The following ADCY3 variants were observed in gnomAD, a reference collection of about 807,000 sequenced individuals.
The protein encoded by ADCY3 is adenylate cyclase type 3.
Under a neutral mutation model 119.4 loss-of-function variants are expected in ADCY3, and 70 were observed. That is an observed-to-expected ratio of 0.59 (90% CI 0.48 to 0.72). ADCY3 has a LOEUF of 0.72. Among genes scored for constraint, ADCY3 ranks in the 30% least tolerant of loss-of-function variants. The pLI is 0.00. For missense variants in ADCY3, 1,238 were observed against 1,541.6 expected, an observed-to-expected ratio of 0.80 and a Z score of 3.30; for synonymous variants, 672 against 621.4, an observed-to-expected ratio of 1.08 and a Z score of -1.21.
rs774738640 is a variant in ADCY3 at position 24,827,937 on chromosome 2, A to G, written c.2397T>C (p.Phe799=). The change falls in exon 14 of 22, where the codon TTT becomes TTC. Residue 799 remains phenylalanine (F), a synonymous_variant. Coordinates refer to ENST00000679454, the MANE Select transcript of ADCY3 (RefSeq NM_004036.5). ...GAAAACGCTTGTGGTCGTATTCATC[A>G]AAGACGGGACGCCAGGCATAGAGGT... ...TINLYAWRPV[F]DEYDHKRFRE... is the part of the protein sequence containing the mutation. The G allele has an allele frequency of 9.3e-6, 15 of 1,614,110 alleles. No individual in the cohort carries two copies. In the Admixed American group the frequency reaches 2.3e-4, roughly 25 times the overall value.
chr2:24,824,601 A>G lies in ADCY3; in HGVS notation c.2578-65T>C, dbSNP rs1479438618. ...GCCACTGGATAGAAGGATGAAAAACAGGAATGGCCAGGCGTGGCGGTTCAT... is the reference window on the plus strand; with the variant it reads ...GCCACTGGATAGAAGGATGAAAAACGGGAATGGCCAGGCGTGGCGGTTCAT... On this transcript the variant is annotated intron_variant, in intron 16 of 21. Transcript: ENST00000679454. 7.0e-6 allele frequency: 11 copies of G among 1,565,240 alleles called. No homozygotes were observed. In the East Asian group the frequency reaches 1.6e-4, roughly 23 times the overall value.
intron 2 of ADCY3, among the ~76,000 whole-genome samples, chr2:24,896,257 CA>C (rs1678262477): frequency 6.6e-6 from 1 of 152,014 alleles, no homozygotes; most frequent in South Asian, 2.1e-4. Context: ...TGGTGGCATG[CA>C]CCTGTAATCC....
At chr2:24,864,630 A>G (rs1674067011) in intron 3 of ADCY3, among the ~76,000 whole-genome samples, 1 of 152,222 alleles carries the variant, frequency 6.6e-6, no homozygotes, top group Non-Finnish European at 1.5e-5. Context: ...AGGGACAAAT[A>G]CATGATTCCG....
At chr2:24,875,547 G>A (rs1376600449) in intron 2 of ADCY3, among the ~76,000 whole-genome samples, 2 of 152,262 alleles carry the variant, frequency 1.3e-5, no homozygotes, top group East Asian at 3.8e-4. Context: ...CTTGTGGTGG[G>A]AGAGGCTCCC....
chr2:24,840,262 C>T lies in ADCY3; in HGVS notation c.1197-231G>A, dbSNP rs573408407. On this transcript the variant is annotated intron_variant, in intron 6 of 21. Transcript: ENST00000679454. Reference sequence around the variant, plus strand: ...GGCACCAAGCGACTTTCCTCCCTATCCCCACTTCCCGAGGGGCCTCAGTTT... The same window carrying T: ...GGCACCAAGCGACTTTCCTCCCTATTCCCACTTCCCGAGGGGCCTCAGTTT... Among the ~76,000 whole-genome samples, 428 of 152,338 alleles carry T rather than the reference C, an allele frequency of 2.8e-3. 2 individuals carry two copies. The highest frequency in any genetic ancestry group is 1.0e-2 in the African/African-American group (415 of 41,576).
chr2:24,843,578 A>T (rs1482061464), intron 3 of ADCY3, among the ~76,000 whole-genome samples: 1 of 152,260 alleles, frequency 6.6e-6, no homozygotes, highest in Non-Finnish European at 1.5e-5. Context: ...TAGATGCGAC[A>T]GAGACCGTAT....
At chr2:24,825,691 G>A (rs114471523) in intron 16 of ADCY3, 43 of 254,236 alleles carry the variant, frequency 1.7e-4, no homozygotes, top group Non-Finnish European at 2.9e-4. Context: ...GTGGTCAGTT[G>A]TGTTAATGTC....
chr2:24,898,779 A>G lies in ADCY3; in HGVS notation c.675+19534T>C, dbSNP rs1678577463. ...CGGGGAAGCAAACAGAATTCCTAAG[A>G]CTGGGAGAACAAAAGCAAAATTTAC... On this transcript the variant is annotated intron_variant, in intron 2 of 21. Transcript: ENST00000679454. The surrounding 1 kb of genome is among the most constrained non-coding windows in gnomAD (Gnocchi z 4.3). 6.6e-6 allele frequency among the ~76,000 whole-genome samples: 1 copy of G among 152,154 alleles called. No individual in the cohort carries two copies. Among genetic ancestry groups the G allele is most frequent in the Non-Finnish European group, 1.5e-5 (1 of 68,032 alleles).
At chr2:24,917,572 A>C (rs1288893454) in intron 2 of ADCY3, among the ~76,000 whole-genome samples, 1 of 152,202 alleles carries the variant, frequency 6.6e-6, no homozygotes, top group East Asian at 1.9e-4. Context: ...AGTTAAGCTG[A>C]GGCCGAAATT....
rs745408152 is a variant in ADCY3 at position 24,853,467 on chromosome 2, CTTT to C, written c.826-11086_826-11084del. The stretch of plus-strand genomic sequence containing the variant: ...ATTTTCAGATTGAAACGCGCCTCAT[CTTT>C]TTTTTTTTTTTTTTTTTTTGAGATG... On this transcript the variant is annotated intron_variant, in intron 3 of 21. Coordinates refer to ENST00000679454, the MANE Select transcript of ADCY3 (RefSeq NM_004036.5). 9.4e-3 allele frequency among the ~76,000 whole-genome samples: 1,088 copies of C among 115,152 alleles called. 6 individuals carry two copies. The highest frequency in any genetic ancestry group is 0.034 in the African/African-American group (917 of 26,980). The allele number at this position is 115,152 out of a possible 152,430, so 75.5% of individuals were successfully genotyped here. A position where few individuals can be genotyped will look rare whatever the true frequency, so the allele number is the denominator to read the frequency against.
At chr2:24,914,332 C>A (rs891530927) in intron 2 of ADCY3, among the ~76,000 whole-genome samples, 2 of 152,188 alleles carry the variant, frequency 1.3e-5, no homozygotes, top group African/African-American at 4.8e-5. Flanking sequence ...TTTCTGCCAC[C>A]AAAGTGATGG....
intron 2 of ADCY3, among the ~76,000 whole-genome samples, chr2:24,886,311 C>A (rs1293654215): frequency 6.6e-6 from 1 of 152,204 alleles, no homozygotes; most frequent in Non-Finnish European, 1.5e-5. Context: ...CCTGCACCCC[C>A]AATGTGGGAA....
chr2:24,863,549 C>T (rs1558469775), intron 3 of ADCY3, among the ~76,000 whole-genome samples: 1 of 152,186 alleles, frequency 6.6e-6, no homozygotes, highest in Admixed American at 6.5e-5. Flanking sequence ...CTAATACAGC[C>T]TCTATCAGTC....
intron 2 of ADCY3, among the ~76,000 whole-genome samples, chr2:24,882,203 C>T (rs1312953997): frequency 2.0e-5 from 3 of 152,292 alleles, no homozygotes; most frequent in Admixed American, 6.5e-5. Flanking sequence ...AGAAGGCCCA[C>T]GTTTCAGGGG....
intron 2 of ADCY3, among the ~76,000 whole-genome samples, chr2:24,895,326 A>T (rs72848439): frequency 0.12 from 17,746 of 151,982 alleles, 3,292 homozygotes; most frequent in African/African-American, 0.39. Context: ...TGACATTGTG[A>T]TCCGCCCACC....
Position 24,838,445 on chromosome 2 carries a change from C to G in ADCY3, c.1533G>C (p.Ser511=), listed in dbSNP as rs771095823. 3 of 1,611,398 alleles carry G rather than the reference C, an allele frequency of 1.9e-6. No individual in the cohort carries two copies. The change falls in exon 8 of 22, where the codon TCG becomes TCC. Residue 511 remains serine, a splice_region_variant and synonymous_variant. Coordinates refer to ENST00000679454, the MANE Select transcript of ADCY3 (RefSeq NM_004036.5). ...KTATQNGLNG[S]ALPNGAPASS... Reference sequence around the variant, plus strand: ...GGGTGGGGTGGGGTGGGGAACTCACCGAGCCATTGAGGCCATTCTGGGTGG... The same window carrying G: ...GGGTGGGGTGGGGTGGGGAACTCACGGAGCCATTGAGGCCATTCTGGGTGG...
At chr2:24,830,517 CAGAGGCTCCCTGG>C (rs968551341) in intron 13 of ADCY3, among the ~76,000 whole-genome samples, 179 bp downstream of exon 13, 46 of 152,282 alleles carry the variant, frequency 3.0e-4, no homozygotes, top group Admixed American at 2.7e-3. Flanking sequence ...AAGTCCATCC[CAGAGGCTCCCTGG>C]ATGACAGGGA....
At position 24,878,574 on chromosome 2, in the gene ADCY3, G is replaced by A. The variant is rs1455619566; in HGVS notation, c.676-5855C>T. ...TTCTGCGGCTGGAGGCCAGCCGCAC[G>A]GGAAACTCGTCATTAAAACTTACTC... On this transcript the variant is annotated intron_variant, in intron 2 of 21. Transcript: ENST00000679454. This position sits in a 1 kb window ranked among gnomAD's most constrained non-coding sequence, Gnocchi z 4.0. Among the ~76,000 whole-genome samples, 1 of 151,860 alleles carries A rather than the reference G, an allele frequency of 6.6e-6. No individual in the cohort carries two copies. The highest frequency in any genetic ancestry group is 6.6e-5 in the Admixed American group (1 of 15,234).
intron 21 of ADCY3, 42 bp downstream of exon 21, chr2:24,820,682 A>T (rs1413537909): frequency 1.1e-5 from 18 of 1,611,752 alleles, no homozygotes; most frequent in Non-Finnish European, 1.5e-5. Flanking sequence ...TTTTGTTCTC[A>T]TGCCGAGTCT....
Sources: gnomAD v4.1 joint callset for allele counts (sites outside exome capture counted in the v4.1 genomes callset) on GRCh38, gnomAD v4.1.1 for gene constraint, Gnocchi (gnomAD v3.1) non-coding constraint, MANE v1.5 for transcripts, NCBI Gene and HGNC (gene_info 2026-07-23, HGNC 2026-07-21) for gene names.